CLUH: variants seen among roughly 807,000 people sequenced by gnomAD.
The protein encoded by CLUH is CLUH binding protein of NUMT mRNA, also known as clustered mitochondria protein homolog.
CLUH carries 77 observed loss-of-function variants against 139.3 expected under a neutral mutation model. The ratio of observed to expected loss-of-function variants is 0.55; its 90% CI spans 0.46 to 0.67. The LOEUF is 0.67. Among genes scored for constraint, CLUH ranks in the 30% least tolerant of loss-of-function variants. CLUH has a pLI of 0.00. For missense variants in CLUH, 1,876 were observed against 1,875.8 expected (o/e 1.00, Z 0.00); for synonymous variants, 999 against 801.6 (o/e 1.25, Z -4.16).
rs367606151 is a variant in CLUH at position 2,695,096 on chromosome 17, G to A, written c.2613C>T (p.Val871=). The part of the protein sequence containing the change: ...KHIFKTYLQG[V]ELSGLSAAIS... ...TGGCGGCTGAGAGGCCGGAGAGCTC[G>A]ACTCCCTGCGAGGCAGGTTGGATCC... is the stretch of plus-strand genomic sequence containing the variant. The change falls in exon 16 of 26, where the codon GTC becomes GTT. Residue 871 remains valine, a synonymous_variant. Transcript: ENST00000651024. The A allele has an allele frequency of 5.6e-5, 90 of 1,611,802 alleles. No homozygotes were observed. The highest frequency in any genetic ancestry group is 1.6e-4 in the Middle Eastern group (1 of 6,078).
intron 16 of CLUH, 28 bp downstream of exon 16, chr17:2,694,826 ACCC>A: frequency 2.5e-6 from 2 of 796,154 alleles, no homozygotes; most frequent in Non-Finnish European, 3.6e-6. Flanking sequence ...GCCCAATCCC[ACCC>A]ACCCCACCGC....
In CLUH at chr17:2,692,570, C is replaced by A; in HGVS notation, c.3438+1G>T. 1 of 1,610,802 alleles carries A rather than the reference C, an allele frequency of 6.2e-7. No homozygotes were observed. Among genetic ancestry groups the A allele is most frequent in the Non-Finnish European group, 8.5e-7 (1 of 1,179,004 alleles). On this transcript the variant is annotated splice_donor_variant, in intron 21 of 25. Coordinates refer to ENST00000651024, the MANE Select transcript of CLUH (RefSeq NM_001366661.1). LOFTEE classifies it high-confidence loss of function. ...TGCCGCCCCCCCGCCCCAGCACTCA[C>A]GTCCAGCAGCGCCATCTCGGGGTGG...
Position 2,698,078 on chromosome 17 carries a change from A to G in CLUH, c.1779T>C (p.Ile593=). The change falls in exon 10 of 26, where the codon ATT becomes ATC. Residue 593 remains isoleucine, a synonymous_variant. Coordinates refer to ENST00000651024, the MANE Select transcript of CLUH (RefSeq NM_001366661.1). ...LCSSVECKGI[I]GNDGRHYILD... ...GGATGTAGTGGCGCCCGTCGTTGCCAATGATGCCCTTGCACTCGACCGAGG... is the reference window on the plus strand; with the variant it reads ...GGATGTAGTGGCGCCCGTCGTTGCCGATGATGCCCTTGCACTCGACCGAGG... 6.2e-7 allele frequency: 1 copy of G among 1,606,852 alleles called. No individual in the cohort carries two copies. Among genetic ancestry groups the G allele is most frequent in the Non-Finnish European group, 8.5e-7 (1 of 1,178,534 alleles).
chr17:2,701,783 A>G (rs759449481), intron 4 of CLUH, 46 bp from the exon 5 acceptor site: 1 of 1,555,950 alleles, frequency 6.4e-7, no homozygotes, highest in South Asian at 1.2e-5. Context: ...ACCCAGGGCC[A>G]GCTGTCTCCC....
Position 2,691,925 on chromosome 17 carries a change from CCCCGT to C in CLUH, c.3655-35_3655-31del, listed in dbSNP as rs766078612. ...GGGGAGGCGGGAAGGGATCAGGCCC[CCCCGT>C]GCCCCCGCGGCCCCGCCCCCGCCCC... On this transcript the variant is annotated intron_variant, in intron 23 of 25. Coordinates refer to ENST00000651024, the MANE Select transcript of CLUH (RefSeq NM_001366661.1). 4.3e-3 allele frequency: 6,315 copies of C among 1,458,422 alleles called. 255 individuals are homozygous for C. In the African/African-American group the frequency reaches 0.073, roughly 17 times the overall value. The allele number at this position is 1,458,422 out of a possible 1,614,324, so 90.3% of individuals were successfully genotyped here.
At chr17:2,702,750 T>C (rs991781474) in intron 3 of CLUH, among the ~76,000 whole-genome samples, 1 of 150,812 alleles carries the variant, frequency 6.6e-6, no homozygotes, top group African/African-American at 2.4e-5. Flanking sequence ...TCTACAGAAC[T>C]GAACTGCGCT....
chr17:2,704,504 G>A lies in CLUH; in HGVS notation c.161C>T (p.Ala54Val), dbSNP rs367881781. 4.8e-4 allele frequency: 760 copies of A among 1,585,288 alleles called. 5 individuals are homozygous for A. The South Asian group carries it at 7.1e-3, about 15-fold the overall frequency. ...ATTTTCCCTGGGTGGCTCGGCCGCC[G>A]CCGCCTCCTTCTTCAGGCTCTCTGG... The part of the protein sequence containing the change: ...DCPESLKKEA[A>V]AAEPPRENGL... Residue 54 changes from alanine to valine, a missense_variant, in exon 2 of 26, where the codon GCG becomes GTG. Ala to Val is a moderately conservative substitution (Grantham distance 64). This residue lies in a region of CLUH where 152 missense variants were observed against 136.7 expected (regional missense o/e 1.11). Coordinates refer to ENST00000651024, the MANE Select transcript of CLUH (RefSeq NM_001366661.1). This position sits in a 1 kb window ranked among gnomAD's most constrained non-coding sequence, Gnocchi z 5.7.
chr17:2,695,225 T>G lies in CLUH; in HGVS notation c.2600A>C (p.Tyr867Ser). The G allele has an allele frequency of 6.2e-7, 1 of 1,613,856 alleles. No homozygotes were observed. The highest frequency in any genetic ancestry group is 8.5e-7 in the Non-Finnish European group (1 of 1,179,834). Residue 867 changes from tyrosine to serine, a missense_variant, in exon 15 of 26, where the codon TAC becomes TCC. Coordinates refer to ENST00000651024, the MANE Select transcript of CLUH (RefSeq NM_001366661.1). The stretch of plus-strand genomic sequence containing the variant: ...AGAGCGGACGGGTGGCACCTGTAAG[T>G]ACGTCTTGAAGATGTGCTTGGCCGA... Reference protein sequence around the residue: ...TRSAKHIFKTYLQGVELSGLS... With the variant: ...TRSAKHIFKTSLQGVELSGLS...
At position 2,689,601 on chromosome 17, in the gene CLUH, T is replaced by A. The variant is rs990018634; in HGVS notation, c.*993A>T. ...TCCTCCGGGTCTCAGGGTGGCCACATCCTCCCCCACCAGGGCTCTGACAGC... is the reference window on the plus strand; with the variant it reads ...TCCTCCGGGTCTCAGGGTGGCCACAACCTCCCCCACCAGGGCTCTGACAGC... On this transcript the variant is annotated 3_prime_UTR_variant, in exon 26 of 26. Coordinates refer to ENST00000651024, the MANE Select transcript of CLUH (RefSeq NM_001366661.1). 26 of 152,878 alleles carry A rather than the reference T, an allele frequency of 1.7e-4. No individual in the cohort carries two copies. The highest frequency in any genetic ancestry group is 5.3e-4 in the African/African-American group (22 of 41,338). 9.5% of individuals were successfully genotyped at this position (152,878 alleles called of 1,614,324 possible).
chr17:2,697,827 G>A (rs964286924), intron 10 of CLUH, 69 bp downstream of exon 10: 46 of 1,386,970 alleles, frequency 3.3e-5, no homozygotes, highest in Middle Eastern at 2.6e-4. Flanking sequence ...ACCCAACCCC[G>A]GATCCACCCA....
rs2069647092 is a variant in CLUH at position 2,691,748 on chromosome 17, GC to G, written c.3789+12del. ...CTCGCCGGGCCGGAGGGGCCGCTCC[GC>G]CCCGGACTCACCTTGAGGGGCGGGA... On this transcript the variant is annotated intron_variant, in intron 24 of 25. Transcript: ENST00000651024. 3 of 1,596,976 alleles carry G rather than the reference GC, an allele frequency of 1.9e-6. No individual in the cohort carries two copies. Among genetic ancestry groups the G allele is most frequent in the African/African-American group, 2.7e-5 (2 of 74,618 alleles).
At chr17:2,693,699 T>C (rs1446175570) in intron 19 of CLUH, among the ~76,000 whole-genome samples, 3 of 152,240 alleles carry the variant, frequency 2.0e-5, no homozygotes, top group Middle Eastern at 3.4e-3. Flanking sequence ...CTCCCAGAAC[T>C]GACCTCACCG....
chr17:2,709,982 AG>A (rs2070464716), intron 1 of CLUH, among the ~76,000 whole-genome samples: 1 of 139,568 alleles, frequency 7.2e-6, no homozygotes, highest in Non-Finnish European at 1.5e-5. Flanking sequence ...CAGCAGAGTT[AG>A]GAAGGGGCTT....
At position 2,698,561 on chromosome 17, in the gene CLUH, G is replaced by A. The variant is rs372695831; in HGVS notation, c.1296C>T (p.Thr432=). 1,792 of 1,608,692 alleles carry A rather than the reference G, an allele frequency of 1.1e-3. 2 individuals are homozygous for A. The highest frequency in any genetic ancestry group is 1.4e-3 in the Non-Finnish European group (1,660 of 1,177,298). The change falls in exon 10 of 26, where the codon ACC becomes ACT. Residue 432 remains threonine (T), a synonymous_variant. Transcript: ENST00000651024. ...KVHSDFTAAA[T]RGAMAVIDGN... ...CGTCAATGACGGCCATGGCGCCCCT[G>A]GTGGCTGCCGCGGTGAAGTCGCTGT...
In CLUH at chr17:2,703,261, C is replaced by T. The variant is rs2070243689; in HGVS notation, c.475+57G>A. On this transcript the variant is annotated intron_variant, in intron 3 of 25. Transcript: ENST00000651024. The surrounding 1 kb of genome is among the most constrained non-coding windows in gnomAD (Gnocchi z 4.2). ...AGGGACCCTGGCATGGATGGTGCTG[C>T]CTGCCTCTGCCTCCGTGGGCCCTCC... 3 of 1,537,280 alleles carry T rather than the reference C, an allele frequency of 2.0e-6. No individual in the cohort carries two copies. The Admixed American group carries it at 5.7e-5, about 29-fold the overall frequency.
At chr17:2,694,422 C>G (rs1408120165) in intron 17 of CLUH, 58 bp downstream of exon 17, 7 of 941,248 alleles carry the variant, frequency 7.4e-6, no homozygotes, top group African/African-American at 6.2e-5. Flanking sequence ...GAGCCTGCAG[C>G]AGGGACGCAG....
rs758683286 is a variant in CLUH, at chr17:2,698,300, C to G, written c.1557G>C (p.Arg519=). The G allele has an allele frequency of 3.7e-6, 6 of 1,612,468 alleles. No individual in the cohort carries two copies. Among genetic ancestry groups the G allele is most frequent in the Non-Finnish European group, 5.1e-6 (6 of 1,179,586 alleles). Residue 519 remains arginine (R), a synonymous_variant, in exon 10 of 26, where the codon CGG becomes CGC. Transcript: ENST00000651024. ...CGGGGATGATGGACTGGGCCGTGACCCGGTAGCCGCGGTAATCCACCACCA... is the reference window on the plus strand; with the variant it reads ...CGGGGATGATGGACTGGGCCGTGACGCGGTAGCCGCGGTAATCCACCACCA... ...GTVVVDYRGY[R]VTAQSIIPGI...
At chr17:2,694,822 T>TGCCCCCCCCCCCCC in intron 16 of CLUH, 35 bp downstream of exon 16, 12 of 1,346,336 alleles carry the variant, frequency 8.9e-6, no homozygotes, top group South Asian at 1.5e-5. Context: ...ATCTGCCCAA[T>TGCCCCCCCCCCCCC]CCCACCCACC....
At chr17:2,696,649 A>T in intron 11 of CLUH, 70 bp downstream of exon 11, 1 of 1,572,724 alleles carries the variant, frequency 6.4e-7, no homozygotes, top group Middle Eastern at 1.8e-4. Context: ...AGCCTCTCCC[A>T]GGTGGGGGTC....
Sources: gnomAD v4.1 joint callset for allele counts (sites outside exome capture counted in the v4.1 genomes callset) on GRCh38, gnomAD v4.1.1 for gene constraint, gnomAD v4.1.1 regional missense constraint, Gnocchi (gnomAD v3.1) non-coding constraint, MANE v1.5 for transcripts, NCBI Gene and HGNC (gene_info 2026-07-23, HGNC 2026-07-21) for gene names.